Variants in LRRC37A3 observed in about 807,000 individuals in gnomAD.
LRRC37A3 encodes leucine rich repeat containing 37 member A3, also known as leucine-rich repeat-containing protein 37A3.
LRRC37A3 carries 25 observed loss-of-function variants against 106.2 expected under a neutral mutation model. The ratio of observed to expected loss-of-function variants is 0.24; its 90% CI spans 0.17 to 0.33. The LOEUF is 0.33. Ranked by LOEUF, LRRC37A3 falls within the 10% of genes least tolerant of loss-of-function variation. LRRC37A3 has a pLI of 1.00. For missense variants in LRRC37A3, 712 were observed against 1,644.9 expected (o/e 0.43, Z 9.81); for synonymous variants, 305 against 635.8 (o/e 0.48, Z 7.83).
Position 64,860,061 on chromosome 17 carries a change from A to C in LRRC37A3, c.4085T>G (p.Leu1362Ter). ...NSPSQGAFSS[L>*]RDLSPQENPF... ...ATTTTCTTGAGGACTCAGGTCTCTT[A>C]AGGATGAAAAAGCCCCTTGTGAAGG... Residue 1362 changes from leucine to a stop codon, truncating the protein, a stop_gained, in exon 12 of 15, where the codon TTA (leucine) becomes TGA (stop). Coordinates refer to ENST00000584306, the MANE Select transcript of LRRC37A3 (RefSeq NM_199340.5). LOFTEE classifies it high-confidence loss of function. 1 of 1,613,954 alleles carries C rather than the reference A, an allele frequency of 6.2e-7. No homozygotes were observed. The highest frequency in any genetic ancestry group is 8.5e-7 in the Non-Finnish European group (1 of 1,179,866).
chr17:64,856,577 T>C (rs180989189), intron 13 of LRRC37A3, among the ~76,000 whole-genome samples: 1 of 151,928 alleles, frequency 6.6e-6, no homozygotes, highest in Non-Finnish European at 1.5e-5. Flanking sequence ...TTATTGTTTT[T>C]TTTTTCTTCA....
rs893042862 is a variant in LRRC37A3, at chr17:64,890,705, A to C, written c.2682-953T>G. Among the ~76,000 whole-genome samples, 40 of 145,938 alleles carry C rather than the reference A, an allele frequency of 2.7e-4. 2 individuals carry two copies. Among genetic ancestry groups the C allele is most frequent in the Non-Finnish European group, 4.3e-4 (29 of 67,976 alleles). On this transcript the variant is annotated intron_variant, in intron 5 of 14. Coordinates refer to ENST00000584306, the MANE Select transcript of LRRC37A3 (RefSeq NM_199340.5). ...AAATTAGCTGGGTGTGATGGAGGGCACCTGTAATTCCAGCTACGCGGGAGG... is the reference window on the plus strand; with the variant it reads ...AAATTAGCTGGGTGTGATGGAGGGCCCCTGTAATTCCAGCTACGCGGGAGG...
chr17:64,883,576 G>A (rs1027954981), intron 8 of LRRC37A3, among the ~76,000 whole-genome samples: 11 of 151,380 alleles, frequency 7.3e-5, no homozygotes, highest in African/African-American at 2.4e-4. Context: ...CACAGCTGGG[G>A]CCTCTTTTTT....
chr17:64,867,923 A>C (rs527522178), intron 10 of LRRC37A3, among the ~76,000 whole-genome samples: 6 of 152,214 alleles, frequency 3.9e-5, no homozygotes, highest in African/African-American at 7.2e-5. Context: ...AAAATACAAA[A>C]ATTAGCCAGG....
chr17:64,860,670 T>C lies in LRRC37A3; in HGVS notation c.3476A>G (p.Lys1159Arg). ...GACTCTATTCAGTCTCTGCCGGTTTTTGCCTACAGTTTGAATCTTTGCCAG... is the reference window on the plus strand; with the variant it reads ...GACTCTATTCAGTCTCTGCCGGTTTCTGCCTACAGTTTGAATCTTTGCCAG... ...NSLAKIQTVG[K>R]NRQRLNRVLM... Residue 1159 changes from lysine to arginine, a missense_variant, in exon 12 of 15, where the codon AAA becomes AGA. By Grantham distance (26) the Lys-to-Arg change is conservative. Coordinates refer to ENST00000584306, the MANE Select transcript of LRRC37A3 (RefSeq NM_199340.5). The C allele has an allele frequency of 6.2e-7, 1 of 1,614,044 alleles. No homozygotes were observed. The highest frequency in any genetic ancestry group is 1.1e-5 in the South Asian group (1 of 91,078).
At chr17:64,867,479 C>A (rs1414762594) in intron 10 of LRRC37A3, among the ~76,000 whole-genome samples, 2 of 152,136 alleles carry the variant, frequency 1.3e-5, no homozygotes, top group African/African-American at 4.8e-5. Flanking sequence ...GGACCCCCTG[C>A]AGATAGATAC....
chr17:64,866,953 CA>C (rs1386151538), intron 10 of LRRC37A3, among the ~76,000 whole-genome samples: 1 of 149,250 alleles, frequency 6.7e-6, no homozygotes, highest in African/African-American at 2.5e-5. Context: ...CTCATTTCTA[CA>C]AAAAAATAAA....
chr17:64,912,585 GAAGA>G (rs1233026996), intron 2 of LRRC37A3, among the ~76,000 whole-genome samples: 4 of 151,660 alleles, frequency 2.6e-5, no homozygotes, highest in African/African-American at 4.9e-5. Flanking sequence ...AAAAGAAACA[GAAGA>G]AACCCCCCAA....
intron 2 of LRRC37A3, among the ~76,000 whole-genome samples, chr17:64,912,328 A>G (rs1974607414): frequency 7.3e-6 from 1 of 136,272 alleles, no homozygotes; most frequent in Admixed American, 7.7e-5. Context: ...ACATACATTG[A>G]AAGTGTATAT....
At chr17:64,877,327 G>A (rs944804335) in intron 8 of LRRC37A3, among the ~76,000 whole-genome samples, 4 of 152,112 alleles carry the variant, frequency 2.6e-5, no homozygotes, top group Non-Finnish European at 5.9e-5. Context: ...TCAGCCTCCT[G>A]AGTAGCTGGG....
chr17:64,894,018 C>T (rs1974049310), intron 4 of LRRC37A3, among the ~76,000 whole-genome samples: 2 of 145,258 alleles, frequency 1.4e-5, no homozygotes, highest in Admixed American at 1.3e-4. Context: ...TGACATAAAA[C>T]TAGTTCTACA....
At position 64,880,403 on chromosome 17, in the gene LRRC37A3, C is replaced by A. The variant is rs150660205; in HGVS notation, c.2906+5683G>T. On this transcript the variant is annotated intron_variant, in intron 8 of 14. Coordinates refer to ENST00000584306, the MANE Select transcript of LRRC37A3 (RefSeq NM_199340.5). ...GGCTCAAGCGATTTGCCTGTCTTGG[C>A]CTCCTAAAGTGCTGGGATTAAAGGC... 2.2e-3 allele frequency among the ~76,000 whole-genome samples: 337 copies of A among 152,314 alleles called. 1 individual carries two copies. Among genetic ancestry groups the A allele is most frequent in the African/African-American group, 7.7e-3 (321 of 41,566 alleles).
At chr17:64,866,801 T>TTATATATATATATATATATATATATA (rs61583094) in intron 10 of LRRC37A3, among the ~76,000 whole-genome samples, 1 of 124,714 alleles carries the variant, frequency 8.0e-6, no homozygotes, top group African/African-American at 3.2e-5. Context: ...TGGCTGATTT[T>TTATATATATATATATATATATATATA]TATATATATA....
chr17:64,912,331 G>A (rs1249216463), intron 2 of LRRC37A3, among the ~76,000 whole-genome samples: 1 of 138,292 alleles, frequency 7.2e-6, no homozygotes, highest in South Asian at 2.3e-4. Flanking sequence ...TACATTGAAA[G>A]TGTATATATA....
intron 12 of LRRC37A3, 99 bp from the exon 13 acceptor site, chr17:64,858,982 C>G: frequency 1.2e-6 from 1 of 823,336 alleles, no homozygotes; most frequent in East Asian, 2.6e-5. Context: ...GAAAGAGGGT[C>G]TCACTCTGTC....
chr17:64,919,344 G>A, intron 1 of LRRC37A3, 87 bp downstream of exon 1: 1 of 391,448 alleles, frequency 2.6e-6, no homozygotes, highest in Non-Finnish European at 4.3e-6. Context: ...GGGCCGGGTG[G>A]GGAGGCCAGA....
intron 2 of LRRC37A3, among the ~76,000 whole-genome samples, chr17:64,916,852 G>A (rs1974713471): frequency 6.7e-6 from 1 of 149,908 alleles, no homozygotes; most frequent in African/African-American, 2.5e-5. Flanking sequence ...ATCAAAAGAT[G>A]CACATAAAAA....
intron 2 of LRRC37A3, among the ~76,000 whole-genome samples, chr17:64,910,435 A>C (rs1974563625): frequency 6.6e-6 from 1 of 152,300 alleles, no homozygotes; most frequent in Non-Finnish European, 1.5e-5. Context: ...TAAAACAATT[A>C]TTTGTTCAAC....
At chr17:64,910,055 G>A (rs2143619871) in intron 2 of LRRC37A3, 1 of 152,370 alleles carries the variant, frequency 6.6e-6, no homozygotes, top group Admixed American at 6.5e-5. Flanking sequence ...TGGATGTTCT[G>A]TTCTCTGAAC....
Sources: allele counts gnomAD v4.1 joint callset (sites outside exome capture counted in the v4.1 genomes callset), GRCh38; gene constraint gnomAD v4.1.1; transcripts MANE v1.5; gene names NCBI Gene and HGNC (gene_info 2026-07-23, HGNC 2026-07-21).